The following ADD2 variants were observed in gnomAD, a reference collection of about 807,000 sequenced individuals.
The protein encoded by ADD2 is beta-adducin.
Under a neutral mutation model 83.0 loss-of-function variants are expected in ADD2, and 23 were observed. The ratio of observed to expected loss-of-function variants is 0.28; its 90% CI spans 0.20 to 0.39. The LOEUF is 0.39. ADD2 is among the 10% of genes least tolerant of loss of function. ADD2 has a pLI of 1.00. For synonymous variants in ADD2, 375 were observed against 375.4 expected (o/e 1.00, Z 0.01); for missense variants, 758 against 944.9 (o/e 0.80, Z 2.59).
At chr2:70,720,403 C>T (rs1553377132) in intron 1 of ADD2, among the ~76,000 whole-genome samples, 1 of 152,058 alleles carries the variant, frequency 6.6e-6, no homozygotes, top group Non-Finnish European at 1.5e-5. Flanking sequence ...AAAAGCTGAG[C>T]AGTGAGGCTC....
At chr2:70,753,797 T>C (rs1553383363) in intron 1 of ADD2, among the ~76,000 whole-genome samples, 1 of 152,178 alleles carries the variant, frequency 6.6e-6, no homozygotes, top group African/African-American at 2.4e-5. Context: ...TTTTCAGCCA[T>C]GCATCTGAAA....
At chr2:70,699,116 G>C (rs1373768344) in intron 4 of ADD2, among the ~76,000 whole-genome samples, 2 of 152,090 alleles carry the variant, frequency 1.3e-5, no homozygotes. Context: ...CCTTTCTCAG[G>C]AGGAAGAGTA....
intron 15 of ADD2, among the ~76,000 whole-genome samples, chr2:70,670,410 T>C (rs1262593134): frequency 6.6e-6 from 1 of 152,226 alleles, no homozygotes; most frequent in Non-Finnish European, 1.5e-5. Flanking sequence ...CATGTGATCA[T>C]GTGATGTCAA....
Position 70,676,532 on chromosome 2 carries a change from G to A in ADD2, c.1593+264C>T, listed in dbSNP as rs79008423. On this transcript the variant is annotated intron_variant, in intron 13 of 15. Transcript: ENST00000264436. This position sits in a 1 kb window ranked among gnomAD's most constrained non-coding sequence, Gnocchi z 4.8. The stretch of plus-strand genomic sequence containing the variant: ...AGTGGAGTTCCATGGCAGGAGGTAC[G>A]GAAGCCGGCCGCATCACTCCTGCAG... 0.091 allele frequency: 125,799 copies of A among 1,384,664 alleles called. 6,073 individuals are homozygous for A. Among genetic ancestry groups the A allele is most frequent in the Middle Eastern group, 0.11 (397 of 3,636 alleles). The allele number at this position is 1,384,664 out of a possible 1,614,324, so 85.8% of individuals were successfully genotyped here. A position where few individuals can be genotyped will look rare whatever the true frequency, so the allele number is the denominator to read the frequency against.
chr2:70,739,273 A>T (rs1673750467), intron 1 of ADD2, among the ~76,000 whole-genome samples: 1 of 152,198 alleles, frequency 6.6e-6, no homozygotes, highest in African/African-American at 2.4e-5. Context: ...CAACAAGCAT[A>T]TGAAAAAAAG....
intron 2 of ADD2, among the ~76,000 whole-genome samples, chr2:70,711,586 A>T (rs782252806): frequency 2.0e-4 from 31 of 152,148 alleles, no homozygotes; most frequent in Admixed American, 4.6e-4. Context: ...CTTGATTTTT[A>T]AAAAAAACTC....
chr2:70,663,169 G>T lies in ADD2; in HGVS notation c.*256C>A, dbSNP rs1271775777. On this transcript the variant is annotated 3_prime_UTR_variant, in exon 16 of 16. Coordinates refer to ENST00000264436, the MANE Select transcript of ADD2 (RefSeq NM_001617.4). ...AGTGTTGTGTAGTAGAAGGAGCACT[G>T]GACTGGAAGTCAGGAGACCTGAATT... The T allele has an allele frequency of 2.1e-6, 1 of 478,620 alleles. No individual in the cohort carries two copies. Among genetic ancestry groups the T allele is most frequent in the South Asian group, 2.5e-5 (1 of 40,788 alleles). The allele number at this position is 478,620 out of a possible 1,614,324, so 29.6% of individuals were successfully genotyped here.
intron 15 of ADD2, among the ~76,000 whole-genome samples, chr2:70,666,486 G>A (rs1343338309): frequency 6.6e-6 from 1 of 152,094 alleles, no homozygotes; most frequent in African/African-American, 2.4e-5. Context: ...CTCACTGCAG[G>A]GCCTTCACTT....
At chr2:70,702,568 G>C (rs569148057) in intron 4 of ADD2, among the ~76,000 whole-genome samples, 4 of 152,096 alleles carry the variant, frequency 2.6e-5, no homozygotes, top group Admixed American at 2.6e-4. Context: ...CATGGGAAAG[G>C]TATTTCTAAG....
At chr2:70,680,065 A>T (rs1345979833) in intron 10 of ADD2, among the ~76,000 whole-genome samples, 3 of 152,246 alleles carry the variant, frequency 2.0e-5, no homozygotes, top group Admixed American at 1.3e-4. Context: ...GAATTGTTTA[A>T]TATCATATCT....
chr2:70,667,923 T>A (rs1669718428), intron 15 of ADD2, among the ~76,000 whole-genome samples: 1 of 152,102 alleles, frequency 6.6e-6, no homozygotes, highest in African/African-American at 2.4e-5. Flanking sequence ...CCGTCCAGGA[T>A]TAGCATTTGA....
chr2:70,765,210 G>C lies in ADD2; in HGVS notation c.-154+2676C>G, dbSNP rs371770103. 1.5e-3 allele frequency among the ~76,000 whole-genome samples: 223 copies of C among 152,082 alleles called. 3 individuals carry two copies. Among genetic ancestry groups the C allele is most frequent in the African/African-American group, 3.5e-3 (145 of 41,432 alleles). On this transcript the variant is annotated intron_variant, in intron 1 of 15. Transcript: ENST00000264436. ...TCTACTAAAAATGCAAAAATTAGCC[G>C]GGCGTGGTGACACGCACCTGTAGTC...
At chr2:70,705,443 G>A (rs1227060445) in intron 3 of ADD2, among the ~76,000 whole-genome samples, 1 of 152,142 alleles carries the variant, frequency 6.6e-6, no homozygotes, top group African/African-American at 2.4e-5. Flanking sequence ...CAAGCAATTG[G>A]AGATGCCAAC....
intron 14 of ADD2, among the ~76,000 whole-genome samples, chr2:70,674,435 G>C (rs1670035895): frequency 6.6e-6 from 1 of 152,174 alleles, no homozygotes; most frequent in African/African-American, 2.4e-5. Flanking sequence ...CATATTTGTA[G>C]GCACTTCTCT....
rs1364187870 is a variant in ADD2, at chr2:70,662,315, G to A, written c.*1110C>T. On this transcript the variant is annotated 3_prime_UTR_variant, in exon 16 of 16. Transcript: ENST00000264436. ...AGCATTTCTCTGAGAGCTGGTGCAA[G>A]AGGATTAATCCTGAAGGGCTCATTT... 7 of 152,214 alleles carry A rather than the reference G, an allele frequency of 4.6e-5. No individual in the cohort carries two copies. Among genetic ancestry groups the A allele is most frequent in the African/African-American group, 1.7e-4 (7 of 41,444 alleles). The allele number at this position is 152,214 out of a possible 1,614,324, so 9.4% of individuals were successfully genotyped here. A position where few individuals can be genotyped will look rare whatever the true frequency, so the allele number is the denominator to read the frequency against.
intron 1 of ADD2, among the ~76,000 whole-genome samples, chr2:70,751,061 G>A (rs868959208): frequency 2.0e-5 from 3 of 152,142 alleles, no homozygotes; most frequent in Non-Finnish European, 4.4e-5. Flanking sequence ...ATGCCCTAAA[G>A]AAAAACTTTT....
rs369633215 is a variant in ADD2, at chr2:70,758,691, T to C, written c.-154+9195A>G. Among the ~76,000 whole-genome samples, 13 of 152,200 alleles carry C rather than the reference T, an allele frequency of 8.5e-5. No individual in the cohort carries two copies. In the South Asian group the frequency reaches 2.7e-3, roughly 32 times the overall value. ...TGGCATACACTGTACTCCCAGCTACTTGGGAGGTTGAGATGGGAGGATTGC... is the reference window on the plus strand; with the variant it reads ...TGGCATACACTGTACTCCCAGCTACCTGGGAGGTTGAGATGGGAGGATTGC... On this transcript the variant is annotated intron_variant, in intron 1 of 15. Coordinates refer to ENST00000264436, the MANE Select transcript of ADD2 (RefSeq NM_001617.4).
chr2:70,750,204 T>C (rs1427265304), intron 1 of ADD2, among the ~76,000 whole-genome samples: 1 of 152,236 alleles, frequency 6.6e-6, no homozygotes, highest in African/African-American at 2.4e-5. Context: ...GCTCCAAGTG[T>C]GCACGTGCTC....
At chr2:70,664,657 A>C (rs1675684189) in intron 15 of ADD2, among the ~76,000 whole-genome samples, 1 of 152,234 alleles carries the variant, frequency 6.6e-6, no homozygotes, top group African/African-American at 2.4e-5. Flanking sequence ...CTTCCGGTTC[A>C]GCTTCTTCTC....
Sources: gnomAD v4.1 joint callset for allele counts (sites outside exome capture counted in the v4.1 genomes callset) on GRCh38, gnomAD v4.1.1 for gene constraint, Gnocchi (gnomAD v3.1) non-coding constraint, MANE v1.5 for transcripts, NCBI Gene and HGNC (gene_info 2026-07-23, HGNC 2026-07-21) for gene names.